Variants in FHIT observed in about 807,000 individuals in gnomAD.
The protein encoded by FHIT is fragile histidine triad diadenosine triphosphatase.
In FHIT, 19 loss-of-function variants were observed where a neutral mutation model predicts 17.9. The ratio of observed to expected loss-of-function variants is 1.06; its 90% CI spans 0.74 to 1.56. FHIT has a LOEUF of 1.56. Ranked by LOEUF, FHIT falls within the 40% of genes most tolerant of loss-of-function variation. FHIT has a pLI of 0.00. For missense variants in FHIT, 248 were observed against 189.2 expected (o/e 1.31, Z -1.82); for synonymous variants, 81 against 69.7 (o/e 1.16, Z -0.81).
intron 5 of FHIT, among the ~76,000 whole-genome samples, chr3:60,018,027 T>A (rs1700410460): frequency 6.6e-6 from 1 of 152,206 alleles, no homozygotes. Flanking sequence ...CACCTGAAGC[T>A]GGGTCGTTTA....
chr3:60,117,787 G>T (rs979963199), intron 5 of FHIT, among the ~76,000 whole-genome samples: 1 of 145,460 alleles, frequency 6.9e-6, no homozygotes, highest in Non-Finnish European at 1.5e-5. Context: ...GGACTATAGA[G>T]GCCACCAGTG....
chr3:60,239,701 T>C (rs1468070327), intron 5 of FHIT, among the ~76,000 whole-genome samples: 1 of 152,196 alleles, frequency 6.6e-6, no homozygotes, highest in African/African-American at 2.4e-5. Flanking sequence ...TTTAACTATA[T>C]TTAAAGTAAA....
At chr3:61,035,037 A>G (rs2033175934) in intron 3 of FHIT, among the ~76,000 whole-genome samples, 1 of 152,210 alleles carries the variant, frequency 6.6e-6, no homozygotes, top group South Asian at 2.1e-4. Context: ...AAGAAACAAG[A>G]CACAAAAGAT....
At chr3:61,089,285 C>G (rs1020344510) in intron 2 of FHIT, among the ~76,000 whole-genome samples, 3 of 152,118 alleles carry the variant, frequency 2.0e-5, no homozygotes, top group Admixed American at 1.3e-4. Flanking sequence ...AGTTTTGTGG[C>G]ATTAAGTACA....
At chr3:60,022,836 C>G (rs1422880415) in intron 5 of FHIT, among the ~76,000 whole-genome samples, 1 of 152,122 alleles carries the variant, frequency 6.6e-6, no homozygotes, top group African/African-American at 2.4e-5. Context: ...TTCAAGAATT[C>G]TCTCTCCCCC....
At chr3:60,010,438 T>G (rs1206903641) in intron 7 of FHIT, among the ~76,000 whole-genome samples, 3 of 152,236 alleles carry the variant, frequency 2.0e-5, no homozygotes, top group Non-Finnish European at 4.4e-5. Flanking sequence ...AGTCCCAGAA[T>G]AGCTGTGTTA....
intron 5 of FHIT, among the ~76,000 whole-genome samples, chr3:60,315,480 A>G (rs541785224): frequency 5.6e-4 from 86 of 152,296 alleles, no homozygotes; most frequent in African/African-American, 1.9e-3. Context: ...AGAAACCAGT[A>G]TCCTAGCTTC....
At chr3:60,952,177 C>T (rs1448808753) in intron 3 of FHIT, among the ~76,000 whole-genome samples, 2 of 138,458 alleles carry the variant, frequency 1.4e-5, no homozygotes, top group Non-Finnish European at 3.1e-5. Flanking sequence ...CCACCCCCCC[C>T]CCAAAAAAAA....
At chr3:60,514,398 T>TG (rs1474718863) in intron 5 of FHIT, among the ~76,000 whole-genome samples, 1 of 152,130 alleles carries the variant, frequency 6.6e-6, no homozygotes, top group African/African-American at 2.4e-5. Context: ...CTCCCTCCCG[T>TG]GGGGAGTGGC....
At chr3:60,078,001 G>C (rs1457641240) in intron 5 of FHIT, among the ~76,000 whole-genome samples, 1 of 151,882 alleles carries the variant, frequency 6.6e-6, no homozygotes, top group Non-Finnish European at 1.5e-5. Context: ...TAAAAAAATG[G>C]GAGGTGGGGG....
At chr3:60,302,924 C>T (rs1708509858) in intron 5 of FHIT, among the ~76,000 whole-genome samples, 1 of 152,170 alleles carries the variant, frequency 6.6e-6, no homozygotes, top group South Asian at 2.1e-4. Flanking sequence ...ATCAGCCTTA[C>T]ACCAGGATCA....
chr3:60,310,258 C>T (rs938607132), intron 5 of FHIT, among the ~76,000 whole-genome samples: 7 of 152,164 alleles, frequency 4.6e-5, no homozygotes, highest in African/African-American at 1.4e-4. Flanking sequence ...CTGTTGACAT[C>T]TGCCTCTCTG....
chr3:59,843,146 T>C (rs1701592281), intron 8 of FHIT, among the ~76,000 whole-genome samples: 1 of 152,196 alleles, frequency 6.6e-6, no homozygotes, highest in African/African-American at 2.4e-5. Flanking sequence ...AGAGTTTTCC[T>C]AGCGGCATTT....
intron 5 of FHIT, among the ~76,000 whole-genome samples, chr3:60,507,332 G>T (rs79644493): frequency 0.011 from 1,655 of 152,260 alleles, 32 homozygotes; most frequent in African/African-American, 0.038. Flanking sequence ...GTATGGCTGG[G>T]CATGAAAGAA....
chr3:60,713,340 T>G (rs1375306988), intron 4 of FHIT, among the ~76,000 whole-genome samples: 2 of 150,396 alleles, frequency 1.3e-5, no homozygotes, highest in East Asian at 3.9e-4. Context: ...GATCCAAAAT[T>G]GACACCCTAA....
At chr3:60,652,419 C>T (rs143437692) in intron 4 of FHIT, among the ~76,000 whole-genome samples, 7 of 152,210 alleles carry the variant, frequency 4.6e-5, no homozygotes, top group East Asian at 3.9e-4. Context: ...CTGGTCAACA[C>T]GGTGAAATCC....
chr3:60,215,895 A>G (rs1229496308), intron 5 of FHIT, among the ~76,000 whole-genome samples: 1 of 152,202 alleles, frequency 6.6e-6, no homozygotes, highest in Non-Finnish European at 1.5e-5. Context: ...TTTTGGATTA[A>G]TTTTGAATCT....
rs553641960 is a variant in FHIT at position 60,386,747 on chromosome 3, C to A, written c.103+150113G>T. Among the ~76,000 whole-genome samples, 6 of 152,304 alleles carry A rather than the reference C, an allele frequency of 3.9e-5. No individual in the cohort carries two copies. The East Asian group carries it at 1.2e-3, about 29-fold the overall frequency. The stretch of plus-strand genomic sequence containing the variant: ...GAGCAGTACCTAACAAAGAAACCAA[C>A]CTACACTCTCATTTGTGAAGGGCCT... On this transcript the variant is annotated intron_variant, in intron 5 of 9. Coordinates refer to ENST00000492590, the MANE Select transcript of FHIT (RefSeq NM_002012.4).
At chr3:60,106,693 A>G (rs746252166) in intron 5 of FHIT, among the ~76,000 whole-genome samples, 1 of 152,126 alleles carries the variant, frequency 6.6e-6, no homozygotes, top group Non-Finnish European at 1.5e-5. Flanking sequence ...TATCCTTTCT[A>G]TCTTCCCAAA....
Sources: gnomAD v4.1 joint callset for allele counts (sites outside exome capture counted in the v4.1 genomes callset) on GRCh38, gnomAD v4.1.1 for gene constraint, MANE v1.5 for transcripts, NCBI Gene and HGNC (gene_info 2026-07-23, HGNC 2026-07-21) for gene names.